CALN1: variants seen among roughly 807,000 people sequenced by gnomAD.
The protein encoded by CALN1 is calcium-binding protein 8.
A neutral mutation model predicts 30.6 loss-of-function variants in CALN1; 17 were observed. The ratio of observed to expected loss-of-function variants is 0.56; its 90% CI spans 0.38 to 0.83. The LOEUF (loss-of-function observed/expected upper bound fraction) is 0.83, where lower values mean the gene tolerates loss of function less well. Among genes scored for constraint, CALN1 ranks in the 40% least tolerant of loss-of-function variants. The pLI, the probability that CALN1 is intolerant of heterozygous loss-of-function variation, is 0.00. For synonymous variants in CALN1, 156 were observed against 131.4 expected, an observed-to-expected ratio of 1.19 and a Z score of -1.28; for missense variants, 291 against 354.9, an observed-to-expected ratio of 0.82 and a Z score of 1.45.
At chr7:72,054,404 T>C (rs13235869) in intron 4 of CALN1, among the ~76,000 whole-genome samples, 10 of 30,412 alleles carry the variant, frequency 3.3e-4, no homozygotes, top group East Asian at 0.056. Flanking sequence ...TATATGTACA[T>C]ATATATATAT....
chr7:71,808,384 T>C (rs1787745527), intron 6 of CALN1, among the ~76,000 whole-genome samples: 1 of 151,512 alleles, frequency 6.6e-6, no homozygotes, highest in Non-Finnish European at 1.5e-5. Context: ...TTAATAATTA[T>C]TTTATAACAA....
intron 4 of CALN1, among the ~76,000 whole-genome samples, chr7:72,039,791 GA>G (rs1802015265): frequency 6.6e-6 from 1 of 152,142 alleles, no homozygotes; most frequent in African/African-American, 2.4e-5. Flanking sequence ...CTGGGCTTCT[GA>G]AGGTCTCTCC....
chr7:72,293,982 C>T (rs1798670826), intron 2 of CALN1, among the ~76,000 whole-genome samples: 1 of 152,130 alleles, frequency 6.6e-6, no homozygotes. Flanking sequence ...CCTGTAATCC[C>T]AGCTACTCGG....
intron 5 of CALN1, chr7:71,942,303 C>A: frequency 1.0e-5 from 2 of 192,210 alleles, no homozygotes; most frequent in South Asian, 9.2e-5. Flanking sequence ...CCAGGGTCAC[C>A]GAGGTCCTGG....
intron 3 of CALN1, among the ~76,000 whole-genome samples, chr7:72,221,403 C>T (rs1014764369): frequency 6.7e-6 from 1 of 149,258 alleles, no homozygotes; most frequent in African/African-American, 2.5e-5. Context: ...CTGCAAGCTC[C>T]GCCTCCTGGA....
At chr7:71,849,751 C>T (rs937227201) in intron 5 of CALN1, among the ~76,000 whole-genome samples, 2 of 152,096 alleles carry the variant, frequency 1.3e-5, no homozygotes, top group Non-Finnish European at 2.9e-5. Context: ...TCAATGGATC[C>T]TCCCACTTCA....
chr7:72,302,028 T>A (rs1799300614), intron 2 of CALN1, among the ~76,000 whole-genome samples: 1 of 151,532 alleles, frequency 6.6e-6, no homozygotes, highest in African/African-American at 2.4e-5. Context: ...CAGGGAGAGC[T>A]GAGAGGCTGC....
At chr7:72,033,837 T>A (rs141233490) in intron 4 of CALN1, among the ~76,000 whole-genome samples, 8 of 152,056 alleles carry the variant, frequency 5.3e-5, no homozygotes, top group African/African-American at 1.9e-4. Context: ...CTGGGGACAG[T>A]ATGAAGGTTA....
At chr7:72,132,891 G>A (rs773758943) in intron 3 of CALN1, among the ~76,000 whole-genome samples, 3 of 152,154 alleles carry the variant, frequency 2.0e-5, no homozygotes, top group Non-Finnish European at 4.4e-5. Context: ...GGTGAGCAGC[G>A]GGCGAGTGAA....
intron 5 of CALN1, among the ~76,000 whole-genome samples, chr7:71,890,443 C>G (rs11766067): frequency 0.16 from 24,408 of 152,178 alleles, 2,287 homozygotes; most frequent in Non-Finnish European, 0.22. Context: ...CCTTTCCAAA[C>G]AGTTCCTGGG....
intron 5 of CALN1, among the ~76,000 whole-genome samples, chr7:72,014,231 T>C (rs1482731548): frequency 6.6e-6 from 1 of 151,814 alleles, no homozygotes; most frequent in Non-Finnish European, 1.5e-5. Context: ...GGACTACAGA[T>C]GTGCGCCACC....
chr7:72,108,981 C>A (rs1011868736), intron 3 of CALN1, among the ~76,000 whole-genome samples: 10 of 152,152 alleles, frequency 6.6e-5, no homozygotes, highest in African/African-American at 2.4e-4. Context: ...GTCATTCATT[C>A]CTTTCTTGTG....
intron 5 of CALN1, among the ~76,000 whole-genome samples, chr7:71,884,910 A>G (rs113863024): frequency 1.3e-5 from 2 of 152,080 alleles, no homozygotes; most frequent in Admixed American, 1.3e-4. Context: ...GATTAACTAA[A>G]ATTTGAATAG....
chr7:72,291,658 C>CT (rs1798484846), intron 2 of CALN1, among the ~76,000 whole-genome samples: 2 of 152,130 alleles, frequency 1.3e-5, no homozygotes, highest in Non-Finnish European at 2.9e-5. Flanking sequence ...AGTGTGGAGA[C>CT]TGAGTCTAGC....
At chr7:72,184,903 C>T (rs1029015141) in intron 3 of CALN1, among the ~76,000 whole-genome samples, 1 of 152,066 alleles carries the variant, frequency 6.6e-6, no homozygotes, top group African/African-American at 2.4e-5. Flanking sequence ...AGTGATCCCC[C>T]ATCTCAGCCT....
intron 2 of CALN1, among the ~76,000 whole-genome samples, chr7:72,362,339 G>C (rs1372028906): frequency 6.6e-6 from 1 of 152,138 alleles, no homozygotes; most frequent in African/African-American, 2.4e-5. Context: ...ACAGTCGCAA[G>C]AGTTTTGTAG....
At chr7:72,182,987 A>G (rs1378627042) in intron 3 of CALN1, among the ~76,000 whole-genome samples, 1 of 152,144 alleles carries the variant, frequency 6.6e-6, no homozygotes, top group African/African-American at 2.4e-5. Context: ...TCAACACCAG[A>G]AGAAACCATC....
intron 1 of CALN1, among the ~76,000 whole-genome samples, chr7:72,419,940 A>G (rs1279526525): frequency 6.6e-6 from 1 of 152,012 alleles, no homozygotes; most frequent in Non-Finnish European, 1.5e-5. Flanking sequence ...CCACTGCTCA[A>G]TAAAGTCTTC....
intron 4 of CALN1, among the ~76,000 whole-genome samples, chr7:72,065,099 T>G (rs1803926075): frequency 1.4e-5 from 2 of 147,988 alleles, no homozygotes; most frequent in African/African-American, 4.9e-5. Context: ...TTAATATATG[T>G]AAAATATATT....
Sources: allele counts gnomAD v4.1 joint callset (sites outside exome capture counted in the v4.1 genomes callset), GRCh38; gene constraint gnomAD v4.1.1; transcripts MANE v1.5; gene names NCBI Gene and HGNC (gene_info 2026-07-23, HGNC 2026-07-21).